BRD7: variants seen among roughly 807,000 people sequenced by gnomAD.
The protein encoded by BRD7 is bromodomain-containing protein 7.
In BRD7, 15 loss-of-function variants were observed where a neutral mutation model predicts 82.1. That is an observed-to-expected ratio of 0.18 (90% confidence interval 0.12 to 0.28). The LOEUF (loss-of-function observed/expected upper bound fraction) is 0.28. BRD7 is among the 10% of genes least tolerant of loss of function. BRD7 has a pLI of 1.00. For missense variants in BRD7, 638 were observed against 779.9 expected, an observed-to-expected ratio of 0.82 and a Z score of 2.17; for synonymous variants, 232 against 266.9, an observed-to-expected ratio of 0.87 and a Z score of 1.27.
At chr16:50,345,467 G>C (rs1475890128) in intron 5 of BRD7, among the ~76,000 whole-genome samples, 1 of 151,962 alleles carries the variant, frequency 6.6e-6, no homozygotes, top group Non-Finnish European at 1.5e-5. Context: ...AAAAGACACA[G>C]ACTAGCAAAT....
At chr16:50,358,737 C>T (rs971679825) in intron 2 of BRD7, among the ~76,000 whole-genome samples, 1 of 152,026 alleles carries the variant, frequency 6.6e-6, no homozygotes, top group Non-Finnish European at 1.5e-5. Context: ...CCTGGTCTAC[C>T]GTAACCACTT....
Position 50,319,878 on chromosome 16 carries a change from G to C in BRD7, c.1900+9C>G. On this transcript the variant is annotated intron_variant, in intron 16 of 16. Coordinates refer to ENST00000394688, the MANE Select transcript of BRD7 (RefSeq NM_013263.5). Reference sequence around the variant, plus strand: ...CTTTCTGCTTTCCCAGAGAAAACAGGGCACGTACCTTCTGTCAAATCCACA... The same window carrying C: ...CTTTCTGCTTTCCCAGAGAAAACAGCGCACGTACCTTCTGTCAAATCCACA... The C allele has an allele frequency of 1.2e-6, 2 of 1,610,616 alleles. No individual in the cohort carries two copies. The highest frequency in any genetic ancestry group is 1.7e-6 in the Non-Finnish European group (2 of 1,179,362).
At chr16:50,354,771 G>A in intron 3 of BRD7, 22 bp downstream of exon 3, 1 of 1,606,782 alleles carries the variant, frequency 6.2e-7, no homozygotes, top group Non-Finnish European at 8.5e-7. Context: ...ATTCAGGATA[G>A]TTAATTCAGA....
intron 5 of BRD7, among the ~76,000 whole-genome samples, chr16:50,348,012 A>T (rs2038359921): frequency 6.6e-6 from 1 of 152,236 alleles, no homozygotes; most frequent in Non-Finnish European, 1.5e-5. Context: ...TTCAAACTAT[A>T]CTACAAGACT....
At chr16:50,362,985 T>C (rs1370799623) in intron 2 of BRD7, among the ~76,000 whole-genome samples, 2 of 151,940 alleles carry the variant, frequency 1.3e-5, no homozygotes, top group African/African-American at 2.4e-5. Flanking sequence ...CAGTAGGGAG[T>C]ATAGTAGGAT....
Position 50,368,128 on chromosome 16 carries a change from G to A in BRD7, c.220C>T (p.Pro74Ser), listed in dbSNP as rs140366708. The A allele has an allele frequency of 5.6e-6, 9 of 1,613,824 alleles. No individual in the cohort carries two copies. The African/African-American group carries it at 1.1e-4, about 19-fold the overall frequency. Residue 74 changes from proline (P) to serine (S), a missense_variant, in exon 2 of 17, where the codon CCA (proline) becomes TCA (serine). This residue lies in a region of BRD7 where 172 missense variants were observed against 155.3 expected (regional missense o/e 1.11). Transcript: ENST00000394688. ...CGTTTTCTCCCCTTTTCTTCCCCTGGAATCTGCTTCTCTCCTTTCTTTCTC... is the reference window on the plus strand; with the variant it reads ...CGTTTTCTCCCCTTTTCTTCCCCTGAAATCTGCTTCTCTCCTTTCTTTCTC... ...KKRKKGEKQI[P>S]GEEKGRKRRR...
At chr16:50,368,579 C>T in intron 1 of BRD7, 147 bp downstream of exon 1, 1 of 847,510 alleles carries the variant, frequency 1.2e-6, no homozygotes, top group Non-Finnish European at 1.7e-6. Context: ...GGGGGCAGCG[C>T]GGCCTCCGGC....
intron 8 of BRD7, among the ~76,000 whole-genome samples, chr16:50,329,657 GC>G (rs1567604224): frequency 1.3e-5 from 2 of 152,180 alleles, no homozygotes; most frequent in Non-Finnish European, 2.9e-5. Flanking sequence ...TCGGCTGAGA[GC>G]CATCCATCGC....
At chr16:50,336,990 C>T (rs547509100) in intron 6 of BRD7, among the ~76,000 whole-genome samples, 16 of 152,228 alleles carry the variant, frequency 1.1e-4, no homozygotes, top group Admixed American at 9.2e-4. Flanking sequence ...TTAGTGCTTA[C>T]CCATGTGCCA....
rs766698542 is a variant in BRD7, at chr16:50,368,320, A to C, written c.50-22T>G. The stretch of plus-strand genomic sequence containing the variant: ...TACTCTTAAAAAAAGAAAAGAAAAG[A>C]AAGGAAAGCGCGTCGATTAAAATCG... On this transcript the variant is annotated intron_variant, in intron 1 of 16. Coordinates refer to ENST00000394688, the MANE Select transcript of BRD7 (RefSeq NM_013263.5). 6.2e-6 allele frequency: 10 copies of C among 1,608,628 alleles called. No homozygotes were observed. In the Admixed American group the frequency reaches 1.0e-4, roughly 16 times the overall value.
Position 50,326,275 on chromosome 16 carries a change from G to A in BRD7, c.1195+9C>T, listed in dbSNP as rs757905632. 6 of 1,608,952 alleles carry A rather than the reference G, an allele frequency of 3.7e-6. No homozygotes were observed. Among genetic ancestry groups the A allele is most frequent in the Non-Finnish European group, 5.1e-6 (6 of 1,176,390 alleles). On this transcript the variant is annotated intron_variant, in intron 10 of 16. Coordinates refer to ENST00000394688, the MANE Select transcript of BRD7 (RefSeq NM_013263.5). Reference sequence around the variant, plus strand: ...AAGAGAAAAAATGACTCCTATGCAGGAGCCTCACCTGGAGTGACTTTGTTC... The same window carrying A: ...AAGAGAAAAAATGACTCCTATGCAGAAGCCTCACCTGGAGTGACTTTGTTC...
Position 50,368,900 on chromosome 16 carries a change from G to C in BRD7, c.-126C>G. The C allele has an allele frequency of 6.5e-6, 3 of 463,690 alleles. No homozygotes were observed. Among genetic ancestry groups the C allele is most frequent in the Non-Finnish European group, 8.5e-6 (3 of 353,458 alleles). The allele number at this position is 463,690 out of a possible 1,614,324, so 28.7% of individuals were successfully genotyped here. On this transcript the variant is annotated 5_prime_UTR_variant, in exon 1 of 17. Coordinates refer to ENST00000394688, the MANE Select transcript of BRD7 (RefSeq NM_013263.5). ...CGAGACCCCGCGCCGCGAGGCAGGG[G>C]GGCGGCGCGCGCCGGGCGGCGCGAT...
At chr16:50,338,769 G>A (rs140323864) in intron 6 of BRD7, among the ~76,000 whole-genome samples, 1 of 152,240 alleles carries the variant, frequency 6.6e-6, no homozygotes, top group East Asian at 1.9e-4. Context: ...AGAACACTGA[G>A]TCCCAGGGTA....
intron 6 of BRD7, among the ~76,000 whole-genome samples, chr16:50,338,729 G>A (rs1027283825): frequency 1.3e-5 from 2 of 152,114 alleles, no homozygotes; most frequent in African/African-American, 2.4e-5. Flanking sequence ...TCATCTTGGA[G>A]ACCACAGACT....
At chr16:50,323,282 CAA>C (rs1424237631) in intron 12 of BRD7, among the ~76,000 whole-genome samples, 3 of 152,214 alleles carry the variant, frequency 2.0e-5, no homozygotes, top group African/African-American at 7.2e-5. Context: ...GGCCAGTGAG[CAA>C]AACTTTCCTT....
intron 9 of BRD7, among the ~76,000 whole-genome samples, chr16:50,327,201 C>A (rs1347031802): frequency 2.0e-5 from 3 of 152,188 alleles, no homozygotes; most frequent in African/African-American, 7.2e-5. Flanking sequence ...TGTCTTCTAC[C>A]TTAAACCATG....
At chr16:50,333,544 TAGAGA>T (rs769068992) in intron 8 of BRD7, 25 bp downstream of exon 8, 7 of 1,601,350 alleles carry the variant, frequency 4.4e-6, no homozygotes, top group Admixed American at 1.8e-5. Context: ...AATCAGTAGG[TAGAGA>T]AAAGAAAAGG....
intron 8 of BRD7, among the ~76,000 whole-genome samples, chr16:50,330,199 T>C (rs931693763): frequency 6.6e-6 from 1 of 152,184 alleles, no homozygotes; most frequent in Non-Finnish European, 1.5e-5. Flanking sequence ...GATTCAGTGA[T>C]TTGGGGTGAT....
chr16:50,333,533 A>C, intron 8 of BRD7, 41 bp downstream of exon 8: 3 of 1,597,736 alleles, frequency 1.9e-6, no homozygotes, highest in Non-Finnish European at 2.6e-6. Context: ...CAGATGCCCC[A>C]AATCAGTAGG....
Sources: gnomAD v4.1 joint callset for allele counts (sites outside exome capture counted in the v4.1 genomes callset) on GRCh38, gnomAD v4.1.1 for gene constraint, gnomAD v4.1.1 regional missense constraint, MANE v1.5 for transcripts, NCBI Gene and HGNC (gene_info 2026-07-23, HGNC 2026-07-21) for gene names.